The following NUGGC variants were observed in gnomAD, a reference collection of about 807,000 sequenced individuals.
NUGGC encodes nuclear GTPase, germinal center associated, also known as nuclear GTPase SLIP-GC.
In NUGGC, 58 loss-of-function variants were observed where a neutral mutation model predicts 92.6. The ratio of observed to expected loss-of-function variants is 0.63; its 90% confidence interval spans 0.51 to 0.78. The LOEUF is 0.78. Ranked by LOEUF, NUGGC falls within the 30% of genes least tolerant of loss-of-function variation. NUGGC has a pLI of 0.00. For missense variants in NUGGC, 925 were observed against 964.6 expected, an observed-to-expected ratio of 0.96 and a Z score of 0.54; for synonymous variants, 376 against 366.4, an observed-to-expected ratio of 1.03 and a Z score of -0.30.
At position 28,049,209 on chromosome 8, in the gene NUGGC, C is replaced by T. The variant is rs531903590; in HGVS notation, c.1207-1597G>A. Among the ~76,000 whole-genome samples, 53 of 152,242 alleles carry T rather than the reference C, an allele frequency of 3.5e-4. 1 individual carries two copies. The highest frequency in any genetic ancestry group is 2.1e-3 in the Admixed American group (32 of 15,280). ...AGCACGTGTAGTTAAGGCTGGAATA[C>T]GGATATCTGTGCAGACTGCCAGAAG... On this transcript the variant is annotated intron_variant, in intron 10 of 18. Coordinates refer to ENST00000413272, the MANE Select transcript of NUGGC (RefSeq NM_001010906.2).
chr8:28,070,120 C>G (rs1156568873), intron 3 of NUGGC, 132 bp downstream of exon 3: 20 of 1,441,308 alleles, frequency 1.4e-5, no homozygotes, highest in Non-Finnish European at 1.7e-5. Flanking sequence ...AGACTTTGAG[C>G]CCTCTCTTTC....
intron 1 of NUGGC, among the ~76,000 whole-genome samples, chr8:28,080,684 T>C (rs973223320): frequency 6.6e-6 from 1 of 152,216 alleles, no homozygotes; most frequent in African/African-American, 2.4e-5. Context: ...ATATATATCT[T>C]AGATGGTAAG....
intron 7 of NUGGC, among the ~76,000 whole-genome samples, chr8:28,062,905 T>TAAACCTGCG (rs887029366): frequency 2.6e-5 from 4 of 152,106 alleles, no homozygotes; most frequent in African/African-American, 9.7e-5. Flanking sequence ...TCGCAGAAGA[T>TAAACCTGCG]ACAAAAAAGC....
chr8:28,080,749 A>G (rs989910947), intron 1 of NUGGC, among the ~76,000 whole-genome samples: 1 of 152,188 alleles, frequency 6.6e-6, no homozygotes, highest in African/African-American at 2.4e-5. Flanking sequence ...CATTCATTCA[A>G]CAAATATTTG....
intron 13 of NUGGC, among the ~76,000 whole-genome samples, chr8:28,040,528 T>C (rs1315852896): frequency 6.6e-6 from 1 of 152,234 alleles, no homozygotes; most frequent in African/African-American, 2.4e-5. Flanking sequence ...ATTCCCACTC[T>C]GTCTTTGCTG....
intron 1 of NUGGC, among the ~76,000 whole-genome samples, chr8:28,081,945 A>G (rs1810861558): frequency 6.6e-6 from 1 of 152,092 alleles, no homozygotes; most frequent in Non-Finnish European, 1.5e-5. Context: ...CTGAAGAATG[A>G]AAGAAGGAAG....
intron 7 of NUGGC, among the ~76,000 whole-genome samples, chr8:28,063,283 A>G (rs745671742): frequency 6.6e-6 from 1 of 152,220 alleles, no homozygotes; most frequent in African/African-American, 2.4e-5. Flanking sequence ...TGACCTCCTC[A>G]GAGCACATTT....
At chr8:28,040,475 G>A (rs1161344992) in intron 13 of NUGGC, among the ~76,000 whole-genome samples, 1 of 152,126 alleles carries the variant, frequency 6.6e-6, no homozygotes, top group Admixed American at 6.5e-5. Flanking sequence ...CAAGGTGGAT[G>A]TTTGGTGGAG....
At chr8:28,049,332 G>T (rs1427136672) in intron 10 of NUGGC, among the ~76,000 whole-genome samples, 1 of 152,116 alleles carries the variant, frequency 6.6e-6, no homozygotes, top group African/African-American at 2.4e-5. Flanking sequence ...CTAGGAAAAA[G>T]TTTAGGGAAA....
At position 28,045,526 on chromosome 8, in the gene NUGGC, C is replaced by G; in HGVS notation, c.1446+1G>C. On this transcript the variant is annotated splice_donor_variant, in intron 12 of 18. Coordinates refer to ENST00000413272, the MANE Select transcript of NUGGC (RefSeq NM_001010906.2). LOFTEE classifies it high-confidence loss of function. Reference sequence around the variant, plus strand: ...ATATGAAAACCCAGTGTCTTCCATACCGGCAGGTTTTGCGTGGAGTTGAAA... The same window carrying G: ...ATATGAAAACCCAGTGTCTTCCATAGCGGCAGGTTTTGCGTGGAGTTGAAA... The G allele has an allele frequency of 6.2e-7, 1 of 1,611,506 alleles. No individual in the cohort carries two copies. Among genetic ancestry groups the G allele is most frequent in the African/African-American group, 1.3e-5 (1 of 74,956 alleles).
Position 28,068,421 on chromosome 8 carries a change from A to C in NUGGC, c.275T>G (p.Leu92Trp). 1 of 1,569,644 alleles carries C rather than the reference A, an allele frequency of 6.4e-7. No individual in the cohort carries two copies. The highest frequency in any genetic ancestry group is 8.7e-7 in the Non-Finnish European group (1 of 1,155,626). Reference protein sequence around the residue: ...VKYLINRLLALIEKPTVDPIY... With the variant: ...VKYLINRLLAWIEKPTVDPIY... ...TGGGTCCACTGTCGGCTTTTCAATC[A>C]AGGCAAGAAGCCTATTTCTGGATGA... is the stretch of plus-strand genomic sequence containing the variant. The change falls in exon 5 of 19, where the codon TTG becomes TGG. Residue 92 changes from leucine to tryptophan, a missense_variant. Coordinates refer to ENST00000413272, the MANE Select transcript of NUGGC (RefSeq NM_001010906.2).
At chr8:28,029,982 G>C (rs1383709197) in intron 16 of NUGGC, among the ~76,000 whole-genome samples, 2 of 152,158 alleles carry the variant, frequency 1.3e-5, no homozygotes, top group Non-Finnish European at 2.9e-5. Flanking sequence ...CTGAAAATGA[G>C]TTCACAAGTG....
chr8:28,071,800 G>A (rs1810596629), intron 2 of NUGGC, among the ~76,000 whole-genome samples: 1 of 152,142 alleles, frequency 6.6e-6, no homozygotes. Flanking sequence ...GGGCTCCTGG[G>A]GCTGGCCTGC....
intron 6 of NUGGC, among the ~76,000 whole-genome samples, chr8:28,064,937 C>T (rs1220495220): frequency 6.6e-6 from 1 of 152,164 alleles, no homozygotes; most frequent in African/African-American, 2.4e-5. Flanking sequence ...CCTTACCTTA[C>T]AGATGAAACA....
At chr8:28,036,958 A>G (rs1312461890) in intron 13 of NUGGC, among the ~76,000 whole-genome samples, 3 of 152,224 alleles carry the variant, frequency 2.0e-5, no homozygotes, top group Non-Finnish European at 4.4e-5. Flanking sequence ...GAGGTGCATT[A>G]GAGGATCACC....
intron 17 of NUGGC, among the ~76,000 whole-genome samples, chr8:28,028,914 C>A (rs1474017820): frequency 6.6e-6 from 1 of 152,190 alleles, no homozygotes; most frequent in Non-Finnish European, 1.5e-5. Context: ...CCCAGCTGTG[C>A]ATCTCCCTGG....
intron 12 of NUGGC, among the ~76,000 whole-genome samples, chr8:28,043,226 G>A (rs1172062554): frequency 7.2e-5 from 11 of 152,142 alleles, no homozygotes; most frequent in African/African-American, 2.2e-4. Context: ...AGGGAAGAGC[G>A]GAGAATAAAA....
At position 28,060,574 on chromosome 8, in the gene NUGGC, C is replaced by T; in HGVS notation, c.949G>A (p.Val317Met). ...KTIDKCSVIWVISDIERVSGG... is the reference protein window; with the variant it reads ...KTIDKCSVIWMISDIERVSGG... Reference sequence around the variant, plus strand: ...GAAACTCGCTCTATGTCGCTGATCACCCAGATCACTGAGCACTTGTCAATG... The same window carrying T: ...GAAACTCGCTCTATGTCGCTGATCATCCAGATCACTGAGCACTTGTCAATG... The change falls in exon 8 of 19, where the codon GTG becomes ATG. Residue 317 changes from valine (V) to methionine (M), a missense_variant. Val to Met is a conservative substitution (Grantham distance 21). Transcript: ENST00000413272. 6.2e-7 allele frequency: 1 copy of T among 1,612,802 alleles called. No homozygotes were observed. The highest frequency in any genetic ancestry group is 1.1e-5 in the South Asian group (1 of 90,914).
At chr8:28,033,320 T>G (rs547873101) in intron 14 of NUGGC, among the ~76,000 whole-genome samples, 63 of 152,354 alleles carry the variant, frequency 4.1e-4, no homozygotes, top group African/African-American at 1.5e-3. Context: ...ATCATAACAT[T>G]AGTCTGAAAG....
Sources: allele counts gnomAD v4.1 joint callset (sites outside exome capture counted in the v4.1 genomes callset), GRCh38; gene constraint gnomAD v4.1.1; transcripts MANE v1.5; gene names NCBI Gene and HGNC (gene_info 2026-07-23, HGNC 2026-07-21).